Variants in EXOSC10 observed in about 807,000 individuals in gnomAD.
EXOSC10 encodes exosome complex component 10.
A neutral mutation model predicts 126.6 loss-of-function variants in EXOSC10; 94 were observed. The ratio of observed to expected loss-of-function variants is 0.74; its 90% CI spans 0.63 to 0.88. The LOEUF is 0.88. EXOSC10 is among the 40% of genes least tolerant of loss of function. EXOSC10 has a pLI of 0.00. For synonymous variants in EXOSC10, 395 were observed against 400.8 expected (o/e 0.99, Z 0.17); for missense variants, 1,041 against 1,100.5 (o/e 0.95, Z 0.77).
chr1:11,068,602 A>T, intron 23 of EXOSC10, 43 bp downstream of exon 23: 1 of 1,510,688 alleles, frequency 6.6e-7, no homozygotes, highest in Admixed American at 1.7e-5. Flanking sequence ...GGTCAGAAAC[A>T]GGCGCCACCA....
At chr1:11,090,350 A>C (rs1181273841) in intron 6 of EXOSC10, among the ~76,000 whole-genome samples, 3 of 152,200 alleles carry the variant, frequency 2.0e-5, no homozygotes, top group South Asian at 4.1e-4. Flanking sequence ...ACTTCTCAGG[A>C]CTGCAGTGAG....
At chr1:11,087,779 C>G in intron 8 of EXOSC10, 21 bp downstream of exon 8, 1 of 1,584,112 alleles carries the variant, frequency 6.3e-7, no homozygotes, top group Non-Finnish European at 8.6e-7. Flanking sequence ...AAAATTTTAC[C>G]CAGGGTCATT....
rs1553164212 is a variant in EXOSC10, at chr1:11,069,259, G to GA, written c.2488+299_2488+300insT. The stretch of plus-strand genomic sequence containing the variant: ...TGTGTGTGTGTGAGAGAGAGAGAGA[G>GA]GGTTTATGGGCACAAGTTATAGTGA... On this transcript the variant is annotated intron_variant, in intron 22 of 24. Coordinates refer to ENST00000376936, the MANE Select transcript of EXOSC10 (RefSeq NM_001001998.3). Among the ~76,000 whole-genome samples the GA allele has an allele frequency of 1.4e-3, 185 of 132,010 alleles. 8 individuals carry two copies. The highest frequency in any genetic ancestry group is 4.0e-3 in the Middle Eastern group (1 of 250). 86.6% of individuals were successfully genotyped at this position (132,010 alleles called of 152,430 possible).
At chr1:11,088,285 A>C in intron 6 of EXOSC10, 87 bp from the exon 7 acceptor site, 1 of 923,248 alleles carries the variant, frequency 1.1e-6, no homozygotes, top group East Asian at 2.6e-5. Flanking sequence ...ATCTGTAAAA[A>C]CAAATGAGAA....
At chr1:11,087,747 G>A in intron 8 of EXOSC10, 53 bp downstream of exon 8, 1 of 1,506,176 alleles carries the variant, frequency 6.6e-7, no homozygotes, top group Non-Finnish European at 9.1e-7. Context: ...TTCTCCAACA[G>A]GTGAACTCAC....
intron 12 of EXOSC10, 66 bp downstream of exon 12, chr1:11,080,698 T>G (rs1200596230): frequency 6.2e-7 from 1 of 1,602,794 alleles, no homozygotes; most frequent in Non-Finnish European, 8.5e-7. Flanking sequence ...AAAAAGCCCA[T>G]TATTTACTTG....
At position 11,080,494 on chromosome 1, in the gene EXOSC10, C is replaced by T; in HGVS notation, c.1637+5G>A. On this transcript the variant is annotated splice_donor_5th_base_variant and intron_variant, in intron 13 of 24. Coordinates refer to ENST00000376936, the MANE Select transcript of EXOSC10 (RefSeq NM_001001998.3). ...CAGAACATATTAATCAGATTTGAAA[C>T]TCACTTAGGCAGTTCTTCAGCTATT... 6.2e-7 allele frequency: 1 copy of T among 1,613,046 alleles called. No individual in the cohort carries two copies. The highest frequency in any genetic ancestry group is 8.5e-7 in the Non-Finnish European group (1 of 1,179,816).
In EXOSC10 at chr1:11,092,692, A is replaced by G. The variant is rs575734125; in HGVS notation, c.373-1095T>C. On this transcript the variant is annotated intron_variant, in intron 3 of 24. Transcript: ENST00000376936. ...GCCACCACGCCCAGCTAATTTTTGT[A>G]TTTTTTAGTAGAGATGGGGTTTCAC... is the stretch of plus-strand genomic sequence containing the variant. 7.5e-4 allele frequency among the ~76,000 whole-genome samples: 114 copies of G among 151,164 alleles called. No individual in the cohort carries two copies. The South Asian group carries it at 0.015, about 21-fold the overall frequency.
At chr1:11,071,998 C>T (rs1435072132) in intron 20 of EXOSC10, 89 bp downstream of exon 20, 5 of 1,063,172 alleles carry the variant, frequency 4.7e-6, no homozygotes, top group African/African-American at 1.6e-5. Flanking sequence ...GGGCTTCATT[C>T]ATCGCCGTAT....
In EXOSC10 at chr1:11,087,574, G is replaced by A. The variant is rs200957426; in HGVS notation, c.963C>T (p.Ser321=). 3.6e-4 allele frequency: 575 copies of A among 1,614,100 alleles called. 4 individuals are homozygous for A. In the South Asian group the frequency reaches 4.6e-3, roughly 13 times the overall value. Residue 321 remains serine, a synonymous_variant, in exon 9 of 25, where the codon AGC becomes AGT. Coordinates refer to ENST00000376936, the MANE Select transcript of EXOSC10 (RefSeq NM_001001998.3). Reference sequence around the variant, plus strand: ...GCATCAGGCAGGTCAGTCCCAGGAAGCTCCTGTAAGAGTGGTGCTAAACCC... The same window carrying A: ...GCATCAGGCAGGTCAGTCCCAGGAAACTCCTGTAAGAGTGGTGCTAAACCC... ...AVDLEHHSYR[S]FLGLTCLMQI... is the part of the protein sequence containing the mutation.
intron 17 of EXOSC10, 65 bp from the exon 18 acceptor site, chr1:11,074,391 A>T: frequency 8.6e-7 from 1 of 1,160,292 alleles, no homozygotes; most frequent in Non-Finnish European, 1.3e-6. Context: ...AGATGCAAGC[A>T]AGAGAGCAAC....
In EXOSC10 at chr1:11,078,264, C is replaced by CT. The variant is rs1220119181; in HGVS notation, c.1750-614dup. ...TGGGTGTCAGAGCAAGACCCTGTTT[C>CT]TTTTTTTTTTTGAGACGGAGTCTCG... On this transcript the variant is annotated intron_variant, in intron 14 of 24. Transcript: ENST00000376936. Among the ~76,000 whole-genome samples the CT allele has an allele frequency of 4.0e-4, 58 of 143,636 alleles. 1 individual carries two copies. Among genetic ancestry groups the CT allele is most frequent in the Admixed American group, 1.7e-3 (24 of 14,442 alleles). 94.2% of individuals were successfully genotyped at this position (143,636 alleles called of 152,430 possible).
Position 11,092,122 on chromosome 1 carries a change from G to A in EXOSC10, c.373-525C>T, listed in dbSNP as rs564059609. On this transcript the variant is annotated intron_variant, in intron 3 of 24. Transcript: ENST00000376936. The stretch of plus-strand genomic sequence containing the variant: ...AATAAATATATAGATGGTCCCCAAT[G>A]TATGACAGTTTGACTTGTAAGTTTT... Among the ~76,000 whole-genome samples, 10 of 152,328 alleles carry A rather than the reference G, an allele frequency of 6.6e-5. 1 individual carries two copies. The highest frequency in any genetic ancestry group is 2.2e-4 in the African/African-American group (9 of 41,572).
chr1:11,077,068 T>A (rs778602736), intron 16 of EXOSC10, 120 bp from the exon 17 acceptor site: 6 of 732,692 alleles, frequency 8.2e-6, no homozygotes, highest in Non-Finnish European at 1.4e-5. Flanking sequence ...CTCGGCTCAC[T>A]GCAACCTCCG....
chr1:11,071,204 C>T (rs779893788), intron 20 of EXOSC10: 7 of 526,556 alleles, frequency 1.3e-5, no homozygotes, highest in Non-Finnish European at 2.0e-5. Flanking sequence ...GCCCTGCCTG[C>T]TCCTCTTCTG....
At chr1:11,088,367 G>C (rs1640616794) in intron 6 of EXOSC10, among the ~76,000 whole-genome samples, 169 bp from the exon 7 acceptor site, 1 of 152,132 alleles carries the variant, frequency 6.6e-6, no homozygotes, top group South Asian at 2.1e-4. Context: ...TCATAAATCA[G>C]ATGATATTTG....
intron 22 of EXOSC10, among the ~76,000 whole-genome samples, chr1:11,069,217 A>G (rs1371975994): frequency 3.2e-5 from 2 of 63,232 alleles, no homozygotes; most frequent in Non-Finnish European, 5.0e-5. Flanking sequence ...ATTTTTCAAC[A>G]AACAAAATTC....
chr1:11,090,773 A>G, intron 5 of EXOSC10, 105 bp from the exon 6 acceptor site: 1 of 902,596 alleles, frequency 1.1e-6, no homozygotes, highest in East Asian at 2.6e-5. Flanking sequence ...TTTTTTTGAG[A>G]CAGGGTCATG....
chr1:11,079,818 G>A lies in EXOSC10; in HGVS notation c.1642C>T (p.Pro548Ser). 2 of 1,610,894 alleles carry A rather than the reference G, an allele frequency of 1.2e-6. No homozygotes were observed. The highest frequency in any genetic ancestry group is 1.7e-5 in the Admixed American group (1 of 59,558). ...TTGCAGCAAGCTATGATGCCCTGAGGTTCCCTGAAGACAAGTAAGAACACA... is the reference window on the plus strand; with the variant it reads ...TTGCAGCAAGCTATGATGCCCTGAGATTCCCTGAAGACAAGTAAGAACACA... ...LKIAEELPKE[P>S]QGIIACCNPV... is the part of the protein sequence containing the mutation. Residue 548 changes from proline to serine, a missense_variant, in exon 14 of 25, where the codon CCT (proline) becomes TCT (serine). Physicochemically the swap from Pro to Ser is moderately conservative, Grantham distance 74. Coordinates refer to ENST00000376936, the MANE Select transcript of EXOSC10 (RefSeq NM_001001998.3).
Sources: allele counts gnomAD v4.1 joint callset (sites outside exome capture counted in the v4.1 genomes callset), GRCh38; gene constraint gnomAD v4.1.1; transcripts MANE v1.5; gene names NCBI Gene and HGNC (gene_info 2026-07-23, HGNC 2026-07-21).